Variants in LRRTM4 observed in about 807,000 individuals in gnomAD.
The protein encoded by LRRTM4 is leucine-rich repeat transmembrane neuronal protein 4.
A neutral mutation model predicts 47.6 loss-of-function variants in LRRTM4; 25 were observed. The observed-to-expected ratio is 0.53, with a 90% CI of 0.38 to 0.73. The LOEUF (loss-of-function observed/expected upper bound fraction) is 0.73. Ranked by LOEUF, LRRTM4 falls within the 30% of genes least tolerant of loss-of-function variation. The pLI, the probability that LRRTM4 is intolerant of heterozygous loss-of-function variation, is 0.00. For missense variants in LRRTM4, 638 were observed against 713.4 expected, an observed-to-expected ratio of 0.89 and a Z score of 1.20; for synonymous variants, 311 against 269.5, an observed-to-expected ratio of 1.15 and a Z score of -1.51.
intron 3 of LRRTM4, among the ~76,000 whole-genome samples, chr2:77,306,002 A>G (rs1226252597): frequency 6.6e-6 from 1 of 152,146 alleles, no homozygotes. Context: ...TTAACCATGT[A>G]TTATGACCAC....
chr2:77,186,977 T>C (rs1290560264), intron 3 of LRRTM4, among the ~76,000 whole-genome samples: 2 of 152,152 alleles, frequency 1.3e-5, no homozygotes, highest in South Asian at 2.1e-4. Flanking sequence ...TAGATACTAA[T>C]TCTTTTGGTG....
At chr2:76,887,632 T>C (rs1673120409) in intron 3 of LRRTM4, among the ~76,000 whole-genome samples, 1 of 150,338 alleles carries the variant, frequency 6.7e-6, no homozygotes, top group Admixed American at 6.6e-5. Flanking sequence ...ACACACTGTA[T>C]ATGATATATA....
intron 3 of LRRTM4, among the ~76,000 whole-genome samples, chr2:77,281,132 T>A (rs1258417150): frequency 2.0e-5 from 3 of 151,958 alleles, no homozygotes; most frequent in Non-Finnish European, 4.4e-5. Context: ...TCATCTGAAA[T>A]CAATGTCAAT....
chr2:77,498,907 T>C (rs905405725), intron 3 of LRRTM4, among the ~76,000 whole-genome samples: 2 of 151,862 alleles, frequency 1.3e-5, no homozygotes, highest in Non-Finnish European at 2.9e-5. Flanking sequence ...TTTAGAAGTT[T>C]GTGTCAGTTT....
intron 3 of LRRTM4, among the ~76,000 whole-genome samples, chr2:77,176,327 A>T (rs1426844683): frequency 6.6e-6 from 1 of 152,166 alleles, no homozygotes; most frequent in African/African-American, 2.4e-5. Flanking sequence ...ATTTATACAG[A>T]TTGTCAAATT....
chr2:77,374,591 T>G (rs10520185), intron 3 of LRRTM4, among the ~76,000 whole-genome samples: 1 of 151,540 alleles, frequency 6.6e-6, no homozygotes, highest in African/African-American at 2.4e-5. Context: ...TATTTTTGTA[T>G]GAGTGTCAAC....
chr2:76,795,110 C>CGAGA (rs1217466553), intron 3 of LRRTM4, among the ~76,000 whole-genome samples: 2 of 151,494 alleles, frequency 1.3e-5, no homozygotes, highest in East Asian at 3.9e-4. Context: ...TGCTCAATAC[C>CGAGA]GAGAGATTTA....
At chr2:76,911,233 C>T (rs574371111) in intron 3 of LRRTM4, among the ~76,000 whole-genome samples, 48 of 152,126 alleles carry the variant, frequency 3.2e-4, no homozygotes, top group Non-Finnish European at 6.2e-4. Context: ...TACAGATAGA[C>T]GTGTTGTGAA....
intron 3 of LRRTM4, among the ~76,000 whole-genome samples, chr2:76,806,832 T>C (rs941169870): frequency 2.6e-5 from 4 of 152,128 alleles, no homozygotes; most frequent in African/African-American, 9.7e-5. Flanking sequence ...TTTTAATATA[T>C]ATTGGTACTT....
chr2:77,170,581 CTT>C (rs1318437129), intron 3 of LRRTM4, among the ~76,000 whole-genome samples: 1 of 152,076 alleles, frequency 6.6e-6, no homozygotes, highest in African/African-American at 2.4e-5. Context: ...TTTGTAGTAA[CTT>C]GTTTTTGGAG....
At chr2:76,787,115 G>T (rs1412731665) in intron 3 of LRRTM4, among the ~76,000 whole-genome samples, 1 of 151,990 alleles carries the variant, frequency 6.6e-6, no homozygotes, top group Non-Finnish European at 1.5e-5. Flanking sequence ...CAAGGGAAAT[G>T]AAAGGACTGT....
intron 3 of LRRTM4, among the ~76,000 whole-genome samples, chr2:77,183,409 A>G (rs1363889371): frequency 1.3e-5 from 2 of 152,178 alleles, no homozygotes; most frequent in Non-Finnish European, 2.9e-5. Flanking sequence ...TAGAATGGCG[A>G]TCATTAAAAA....
intron 3 of LRRTM4, among the ~76,000 whole-genome samples, chr2:77,360,467 AATACGATATGATACGATACG>A (rs1366231477): frequency 2.2e-4 from 31 of 140,074 alleles, no homozygotes; most frequent in Middle Eastern, 3.6e-3. Flanking sequence ...CAAAAAATAC[AATACGATATGATACGATACG>A]ATACGATACG....
At chr2:76,776,076 A>C (rs1363450090) in intron 3 of LRRTM4, among the ~76,000 whole-genome samples, 1 of 152,102 alleles carries the variant, frequency 6.6e-6, no homozygotes, top group East Asian at 1.9e-4. Context: ...GTCCCTACAA[A>C]GGACATGAAC....
chr2:76,863,238 G>A (rs527617428), intron 3 of LRRTM4, among the ~76,000 whole-genome samples: 5 of 152,274 alleles, frequency 3.3e-5, no homozygotes, highest in African/African-American at 1.2e-4. Context: ...TCATGAGGAT[G>A]TCCTAATAAG....
intron 3 of LRRTM4, among the ~76,000 whole-genome samples, chr2:77,503,683 T>C (rs1232109779): frequency 1.3e-5 from 2 of 151,240 alleles, no homozygotes; most frequent in Non-Finnish European, 3.0e-5. Flanking sequence ...CACAAGGATG[T>C]AGCCATAAGA....
chr2:77,105,421 C>T (rs942348484), intron 3 of LRRTM4, among the ~76,000 whole-genome samples: 5 of 148,022 alleles, frequency 3.4e-5, no homozygotes, highest in Admixed American at 6.9e-5. Flanking sequence ...AACCAAACAC[C>T]GCATGTTCTG....
At chr2:77,393,263 G>A (rs1673575011) in intron 3 of LRRTM4, among the ~76,000 whole-genome samples, 1 of 151,960 alleles carries the variant, frequency 6.6e-6, no homozygotes, top group Non-Finnish European at 1.5e-5. Context: ...TTAGCCATGT[G>A]TCCTATATTT....
chr2:76,766,494 T>C (rs1372614806), intron 3 of LRRTM4, among the ~76,000 whole-genome samples: 1 of 152,186 alleles, frequency 6.6e-6, no homozygotes, highest in African/African-American at 2.4e-5. Context: ...GGCTAACCTT[T>C]TACCCCTTCA....
Sources: gnomAD v4.1 joint callset for allele counts (sites outside exome capture counted in the v4.1 genomes callset) on GRCh38, gnomAD v4.1.1 for gene constraint, MANE v1.5 for transcripts, NCBI Gene and HGNC (gene_info 2026-07-23, HGNC 2026-07-21) for gene names.